GABPB1: variants seen among roughly 807,000 people sequenced by gnomAD.
GABPB1 encodes GA binding protein transcription factor subunit beta 1, also known as GA-binding protein subunit beta-1.
GABPB1 carries 15 observed loss-of-function variants against 45.9 expected under a neutral mutation model. The observed-to-expected ratio is 0.33, with a 90% CI of 0.22 to 0.50. GABPB1 has a LOEUF of 0.50. GABPB1 is among the 20% of genes least tolerant of loss of function. The probability of loss-of-function intolerance (pLI) is 0.98; values close to 1 mark genes in which losing one functional copy is unlikely to be tolerated. For synonymous variants in GABPB1, 143 were observed against 154.4 expected (o/e 0.93, Z 0.55); for missense variants, 252 against 457.5 (o/e 0.55, Z 4.10).
intron 1 of GABPB1, among the ~76,000 whole-genome samples, chr15:50,343,718 T>C (rs530368128): frequency 6.6e-6 from 1 of 152,194 alleles, no homozygotes; most frequent in Admixed American, 6.5e-5. Context: ...TTTGTATTTT[T>C]AGTAGAGATG....
chr15:50,311,676 A>G (rs952588937), intron 1 of GABPB1, among the ~76,000 whole-genome samples: 1 of 152,180 alleles, frequency 6.6e-6, no homozygotes, highest in Non-Finnish European at 1.5e-5. Context: ...AGTATTTCAG[A>G]TAAGGGATAC....
At chr15:50,298,948 T>C (rs1595756669) in intron 6 of GABPB1, among the ~76,000 whole-genome samples, 3 of 117,618 alleles carry the variant, frequency 2.6e-5, no homozygotes, top group African/African-American at 1.1e-4. Context: ...TGAGACTCCA[T>C]GTCAAAAAAA....
At chr15:50,302,205 A>C (rs1416940106) in intron 4 of GABPB1, among the ~76,000 whole-genome samples, 1 of 152,358 alleles carries the variant, frequency 6.6e-6, no homozygotes, top group East Asian at 1.9e-4. Context: ...ATGCTGAAAG[A>C]TAAAAGAAAC....
rs1276788771 is a variant in GABPB1 at position 50,285,983 on chromosome 15, T to C, written c.999+85A>G. ...CTTTCATTCTGTATCAAAACAATAC[T>C]GTCAGTAATAAATATAAAAGACAAA... On this transcript the variant is annotated intron_variant, in intron 8 of 8. Coordinates refer to ENST00000380877, the MANE Select transcript of GABPB1 (RefSeq NM_016654.5). The C allele has an allele frequency of 2.6e-6, 4 of 1,553,096 alleles. No homozygotes were observed. The African/African-American group carries it at 4.2e-5, about 16-fold the overall frequency.
intron 1 of GABPB1, among the ~76,000 whole-genome samples, chr15:50,312,215 C>G (rs1439104738): frequency 2.0e-5 from 3 of 151,192 alleles, no homozygotes; most frequent in Non-Finnish European, 4.4e-5. Flanking sequence ...AAGAGTGAGA[C>G]TCCATCTCAA....
intron 1 of GABPB1, among the ~76,000 whole-genome samples, chr15:50,333,225 T>C (rs533362160): frequency 1.5e-4 from 23 of 152,210 alleles, no homozygotes; most frequent in African/African-American, 4.8e-4. Flanking sequence ...CAGCAGTCTG[T>C]AGGACTGAGG....
intron 6 of GABPB1, among the ~76,000 whole-genome samples, chr15:50,290,442 T>C (rs2046309045): frequency 6.6e-6 from 1 of 151,810 alleles, no homozygotes; most frequent in South Asian, 2.1e-4. Context: ...AATACAAAAA[T>C]TAGCTGGGAC....
At chr15:50,323,317 C>A (rs2047640598) in intron 1 of GABPB1, among the ~76,000 whole-genome samples, 1 of 152,096 alleles carries the variant, frequency 6.6e-6, no homozygotes, top group Admixed American at 6.6e-5. Context: ...CCTGCTAGCC[C>A]ATCATTTTTA....
At chr15:50,289,188 C>G (rs1347033281) in intron 7 of GABPB1, among the ~76,000 whole-genome samples, 1 of 152,130 alleles carries the variant, frequency 6.6e-6, no homozygotes, top group Non-Finnish European at 1.5e-5. Context: ...CATTTAAGCT[C>G]ATTTTTCAAC....
chr15:50,292,028 A>G (rs2046361355), intron 6 of GABPB1, among the ~76,000 whole-genome samples: 1 of 152,146 alleles, frequency 6.6e-6, no homozygotes, highest in Non-Finnish European at 1.5e-5. Context: ...CATTTAAAAA[A>G]TGACAAGTTA....
In GABPB1 at chr15:50,341,403, A is replaced by G. The variant is rs1162167255; in HGVS notation, c.-1+13582T>C. On this transcript the variant is annotated intron_variant, in intron 1 of 8. Transcript: ENST00000380877. The stretch of plus-strand genomic sequence containing the variant: ...CAAAATTAGCCAGGCATGGCGGTGC[A>G]TGCCTGTAATTCCAGCTACCCCGGG... Among the ~76,000 whole-genome samples, 3 of 152,070 alleles carry G rather than the reference A, an allele frequency of 2.0e-5. No homozygotes were observed. In the South Asian group the frequency reaches 6.2e-4, roughly 32 times the overall value.
At chr15:50,311,880 A>C (rs1217951156) in intron 1 of GABPB1, among the ~76,000 whole-genome samples, 2 of 152,224 alleles carry the variant, frequency 1.3e-5, no homozygotes, top group Middle Eastern at 3.2e-3. Flanking sequence ...TATAATTTTT[A>C]GTAGATTAGC....
intron 1 of GABPB1, among the ~76,000 whole-genome samples, chr15:50,316,025 T>G (rs992151146): frequency 6.6e-6 from 1 of 152,202 alleles, no homozygotes; most frequent in Non-Finnish European, 1.5e-5. Context: ...ATTGCTCCAC[T>G]GCACTCCAGC....
At chr15:50,343,061 G>A (rs112495191) in intron 1 of GABPB1, among the ~76,000 whole-genome samples, 139 of 152,114 alleles carry the variant, frequency 9.1e-4, no homozygotes, top group African/African-American at 3.2e-3. Flanking sequence ...CACCACACCC[G>A]GCTAATTTTT....
intron 1 of GABPB1, among the ~76,000 whole-genome samples, chr15:50,321,360 T>C (rs1224360137): frequency 1.3e-5 from 2 of 152,110 alleles, no homozygotes; most frequent in Non-Finnish European, 2.9e-5. Context: ...CAGAGCTAGA[T>C]CTTCCAAAAG....
At chr15:50,314,250 C>T (rs1204050813) in intron 1 of GABPB1, among the ~76,000 whole-genome samples, 1 of 151,534 alleles carries the variant, frequency 6.6e-6, no homozygotes, top group East Asian at 1.9e-4. Flanking sequence ...GTGGCGTGAT[C>T]TCGGCTCACT....
chr15:50,322,475 G>T (rs371334422), intron 1 of GABPB1, among the ~76,000 whole-genome samples: 2 of 151,952 alleles, frequency 1.3e-5, no homozygotes, highest in African/African-American at 4.8e-5. Context: ...GAATCAAGGA[G>T]ATGGAGGTTG....
At chr15:50,307,332 T>C (rs918646753) in intron 2 of GABPB1, among the ~76,000 whole-genome samples, 3 of 152,368 alleles carry the variant, frequency 2.0e-5, no homozygotes, top group Admixed American at 2.0e-4. Flanking sequence ...TCATGTTTAT[T>C]GATCAAACTT....
chr15:50,332,174 C>G (rs191263518), intron 1 of GABPB1, among the ~76,000 whole-genome samples: 17 of 152,160 alleles, frequency 1.1e-4, no homozygotes, highest in African/African-American at 4.1e-4. Context: ...CGTGCCCAGC[C>G]CCCTGTCCAG....
Sources: allele counts gnomAD v4.1 joint callset (sites outside exome capture counted in the v4.1 genomes callset), GRCh38; gene constraint gnomAD v4.1.1; transcripts MANE v1.5; gene names NCBI Gene and HGNC (gene_info 2026-07-23, HGNC 2026-07-21).